The following ANOS1 variants were observed in gnomAD, a reference collection of about 807,000 sequenced individuals.
ANOS1 encodes anosmin-1.
Under a neutral mutation model 59.0 loss-of-function variants are expected in ANOS1, and 6 were observed. The observed-to-expected ratio is 0.10, with a 90% CI of 0.06 to 0.20. The LOEUF (loss-of-function observed/expected upper bound fraction) is 0.20, where lower values mean the gene tolerates loss of function less well. ANOS1 is among the 10% of genes least tolerant of loss of function. The probability of loss-of-function intolerance (pLI) is 1.00; values close to 1 mark genes in which losing one functional copy is unlikely to be tolerated. For synonymous variants in ANOS1, 217 were observed against 223.4 expected (o/e 0.97, Z 0.25); for missense variants, 433 against 542.3 (o/e 0.80, Z 2.00).
chrX:8,558,231 T>C (rs944851525), intron 8 of ANOS1, among the ~76,000 whole-genome samples: 19 of 110,945 alleles, frequency 1.7e-4, no homozygotes, highest in African/African-American at 5.3e-4. Context: ...GATGACGAGT[T>C]GATGGGTGCA....
intron 4 of ANOS1, among the ~76,000 whole-genome samples, chrX:8,588,494 CA>C (rs35230179): frequency 0.32 from 35,374 of 110,778 alleles, 4,309 homozygotes; most frequent in South Asian, 0.43. Flanking sequence ...GAAAACACTG[CA>C]AAGCAAAATC....
intron 3 of ANOS1, among the ~76,000 whole-genome samples, chrX:8,601,055 T>C (rs1930833095): frequency 9.1e-6 from 1 of 109,528 alleles, no homozygotes; most frequent in Non-Finnish European, 1.9e-5. Flanking sequence ...TAGCCGGGCA[T>C]GGTGGCAGGT....
intron 2 of ANOS1, among the ~76,000 whole-genome samples, chrX:8,653,052 C>T (rs188705124): frequency 1.5e-4 from 16 of 109,713 alleles, no homozygotes; most frequent in Non-Finnish European, 2.7e-4. Flanking sequence ...GACAGAGTTT[C>T]ACCACGTTGG....
chrX:8,652,061 A>G (rs769678163), intron 2 of ANOS1, among the ~76,000 whole-genome samples: 42 of 111,385 alleles, frequency 3.8e-4, no homozygotes, highest in Admixed American at 3.6e-3. Context: ...CCTCCACCTC[A>G]GCCTCCCGAG....
intron 2 of ANOS1, among the ~76,000 whole-genome samples, chrX:8,648,697 TATC>T (rs1170272524): frequency 1.8e-5 from 2 of 112,089 alleles, no homozygotes; most frequent in Non-Finnish European, 3.8e-5. Flanking sequence ...ATAAAAGTAA[TATC>T]ATAGAAATTA....
chrX:8,549,377 A>G (rs1169267363), intron 9 of ANOS1, among the ~76,000 whole-genome samples: 2 of 112,415 alleles, frequency 1.8e-5, no homozygotes, highest in African/African-American at 6.5e-5. Flanking sequence ...GTATGGGAAT[A>G]TTGGTCATAT....
rs779299111 is a variant in ANOS1, at chrX:8,536,731, C to G, written c.1621+40G>C. ...AAGGTTTGCAAAGCGCTGCTGACAC[C>G]GTAGACCTAGATGTAGAAGTCCTTC... On this transcript the variant is annotated intron_variant, in intron 11 of 13. Coordinates refer to ENST00000262648, the MANE Select transcript of ANOS1 (RefSeq NM_000216.4). The G allele has an allele frequency of 9.7e-6, 11 of 1,135,158 alleles. No homozygotes were observed. The East Asian group carries it at 3.0e-4, about 31-fold the overall frequency. The allele number at this position is 1,135,158 out of a possible 1,213,427, so 93.5% of individuals were successfully genotyped here.
At chrX:8,627,645 A>G (rs1403081324) in intron 2 of ANOS1, among the ~76,000 whole-genome samples, 1 of 111,438 alleles carries the variant, frequency 9.0e-6, no homozygotes, top group African/African-American at 3.3e-5. Context: ...CTCTCTGACA[A>G]GCACAACCTA....
At chrX:8,567,368 C>A (rs897814311) in intron 8 of ANOS1, among the ~76,000 whole-genome samples, 12 of 111,809 alleles carry the variant, frequency 1.1e-4, no homozygotes, top group South Asian at 3.7e-4. Context: ...CATGCCACAC[C>A]ACTTTTTGTG....
intron 2 of ANOS1, among the ~76,000 whole-genome samples, chrX:8,627,168 C>CT (rs1931410858): frequency 8.9e-6 from 1 of 112,426 alleles, no homozygotes; most frequent in Non-Finnish European, 1.9e-5. Flanking sequence ...CTGTTAAATG[C>CT]TATGTGGCTA....
intron 1 of ANOS1, among the ~76,000 whole-genome samples, chrX:8,717,144 A>T (rs1052370036): frequency 8.9e-6 from 1 of 111,843 alleles, no homozygotes; most frequent in African/African-American, 3.3e-5. Context: ...TGCATAATAT[A>T]CACACAGACG....
At chrX:8,683,184 T>C (rs774340301) in intron 2 of ANOS1, among the ~76,000 whole-genome samples, 1 of 111,551 alleles carries the variant, frequency 9.0e-6, no homozygotes, top group South Asian at 3.8e-4. Context: ...TCAGAGGGGA[T>C]AGCAAAACAG....
chrX:8,643,020 T>C (rs1037552199), intron 2 of ANOS1, among the ~76,000 whole-genome samples: 10 of 112,498 alleles, frequency 8.9e-5, no homozygotes, highest in Non-Finnish European at 1.7e-4. Flanking sequence ...AACATAACCA[T>C]TCAAAAGCAA....
intron 3 of ANOS1, among the ~76,000 whole-genome samples, chrX:8,604,028 TTTCACCTATTC>T (rs1360183725): frequency 3.6e-5 from 4 of 111,663 alleles, no homozygotes; most frequent in African/African-American, 1.3e-4. Context: ...TACTTTCTCA[TTTCACCTATTC>T]TTCCCCAGTC....
At chrX:8,652,228 G>T (rs1014734761) in intron 2 of ANOS1, among the ~76,000 whole-genome samples, 1 of 111,642 alleles carries the variant, frequency 9.0e-6, no homozygotes, top group Non-Finnish European at 1.9e-5. Flanking sequence ...CTCCCAAAGC[G>T]CTGAGATTAC....
At chrX:8,589,893 G>T (rs1276947648) in intron 4 of ANOS1, among the ~76,000 whole-genome samples, 1 of 111,729 alleles carries the variant, frequency 9.0e-6, no homozygotes, top group East Asian at 2.8e-4. Context: ...GATGTCTAAG[G>T]GATCTTAGAA....
intron 2 of ANOS1, among the ~76,000 whole-genome samples, chrX:8,679,185 G>C (rs1409372719): frequency 9.0e-6 from 1 of 111,612 alleles, no homozygotes; most frequent in African/African-American, 3.3e-5. Context: ...CCAAGAGACT[G>C]AGGATGATAC....
At chrX:8,600,215 A>G (rs1316469693) in intron 3 of ANOS1, among the ~76,000 whole-genome samples, 1 of 112,383 alleles carries the variant, frequency 8.9e-6, no homozygotes, top group Non-Finnish European at 1.9e-5. Flanking sequence ...AAATTTTTAT[A>G]CCATGAGAAT....
At chrX:8,589,341 T>A (rs907082167) in intron 4 of ANOS1, among the ~76,000 whole-genome samples, 3 of 111,849 alleles carry the variant, frequency 2.7e-5, no homozygotes, top group Non-Finnish European at 5.6e-5. Flanking sequence ...ATTTGTCTCA[T>A]CTGATCCTCA....
Sources: gnomAD v4.1 joint callset for allele counts (sites outside exome capture counted in the v4.1 genomes callset) on GRCh38, gnomAD v4.1.1 for gene constraint, MANE v1.5 for transcripts, NCBI Gene and HGNC (gene_info 2026-07-23, HGNC 2026-07-21) for gene names.